Variants in FGF12 observed in about 807,000 individuals in gnomAD.
The protein encoded by FGF12 is fibroblast growth factor 12.
FGF12 carries 14 observed loss-of-function variants against 23.6 expected under a neutral mutation model. The ratio of observed to expected loss-of-function variants is 0.59; its 90% CI spans 0.39 to 0.93. The LOEUF (loss-of-function observed/expected upper bound fraction) is 0.93. Ranked by LOEUF, FGF12 falls within the 40% of genes least tolerant of loss-of-function variation. The pLI, the probability that FGF12 is intolerant of heterozygous loss-of-function variation, is 0.00. For synonymous variants in FGF12, 62 were observed against 77.3 expected, an observed-to-expected ratio of 0.80 and a Z score of 1.04; for missense variants, 175 against 217.8, an observed-to-expected ratio of 0.80 and a Z score of 1.24.
chr3:192,467,820 C>T (rs1374313662), intron 2 of FGF12, among the ~76,000 whole-genome samples: 2 of 152,200 alleles, frequency 1.3e-5, no homozygotes, highest in African/African-American at 4.8e-5. Flanking sequence ...CAATGTCCTA[C>T]ACTTAACATG....
chr3:192,387,196 G>A (rs1031123283), intron 2 of FGF12, among the ~76,000 whole-genome samples: 1 of 152,076 alleles, frequency 6.6e-6, no homozygotes, highest in African/African-American at 2.4e-5. Flanking sequence ...CCTGCATCTG[G>A]GAACACCCTA....
intron 4 of FGF12, among the ~76,000 whole-genome samples, chr3:192,176,565 C>T (rs1000178137): frequency 1.3e-5 from 2 of 152,102 alleles, no homozygotes; most frequent in African/African-American, 4.8e-5. Flanking sequence ...TGATTCAGTC[C>T]CTTTACCTGT....
chr3:192,593,377 TCTC>T (rs1330622576), intron 2 of FGF12, among the ~76,000 whole-genome samples: 1 of 151,754 alleles, frequency 6.6e-6, no homozygotes, highest in Non-Finnish European at 1.5e-5. Flanking sequence ...GTGACCCTCT[TCTC>T]CTTCTCTCTG....
chr3:192,649,478 A>G (rs1716131452), intron 2 of FGF12, among the ~76,000 whole-genome samples: 1 of 152,164 alleles, frequency 6.6e-6, no homozygotes, highest in South Asian at 2.1e-4. Flanking sequence ...TTATTATTAT[A>G]ACTTTGAGTT....
intron 4 of FGF12, among the ~76,000 whole-genome samples, chr3:192,305,324 C>A (rs1372931403): frequency 6.6e-6 from 1 of 151,862 alleles, no homozygotes; most frequent in Non-Finnish European, 1.5e-5. Context: ...CATACAAACT[C>A]AAAAAGCTAA....
intron 2 of FGF12, among the ~76,000 whole-genome samples, chr3:192,451,613 TA>T (rs1722523808): frequency 6.6e-6 from 1 of 152,202 alleles, no homozygotes; most frequent in Admixed American, 6.5e-5. Context: ...TCACTAAAGT[TA>T]AAAAACTACT....
intron 2 of FGF12, among the ~76,000 whole-genome samples, chr3:192,673,956 G>A (rs1051238820): frequency 1.3e-5 from 2 of 151,036 alleles, no homozygotes; most frequent in Non-Finnish European, 3.0e-5. Context: ...GATCCTTGAG[G>A]AATCACCACA....
chr3:192,183,127 G>A (rs1317186114), intron 4 of FGF12, among the ~76,000 whole-genome samples: 1 of 152,158 alleles, frequency 6.6e-6, no homozygotes, highest in Non-Finnish European at 1.5e-5. Flanking sequence ...GTATTGCTGA[G>A]ATATTGATGT....
At chr3:192,209,805 G>A (rs2108676521) in intron 4 of FGF12, among the ~76,000 whole-genome samples, 1 of 152,248 alleles carries the variant, frequency 6.6e-6, no homozygotes, top group South Asian at 2.1e-4. Context: ...TCTGCCTCAG[G>A]TCAAACAACA....
intron 3 of FGF12, among the ~76,000 whole-genome samples, chr3:192,354,972 A>T (rs1718403976): frequency 1.3e-5 from 2 of 152,216 alleles, no homozygotes; most frequent in Admixed American, 6.5e-5. Flanking sequence ...TGCCTCCCAA[A>T]GTGCTGGGAT....
At chr3:192,327,597 T>A (rs1716887654) in intron 4 of FGF12, among the ~76,000 whole-genome samples, 1 of 116,958 alleles carries the variant, frequency 8.6e-6, no homozygotes, top group South Asian at 2.9e-4. Flanking sequence ...TAACCAATAT[T>A]AACCACTAAA....
intron 2 of FGF12, among the ~76,000 whole-genome samples, chr3:192,607,779 T>C (rs147778504): frequency 1.3e-5 from 2 of 151,692 alleles, no homozygotes; most frequent in Non-Finnish European, 2.9e-5. Flanking sequence ...GAAATTTTCT[T>C]GTCAGCTCTC....
Position 192,189,086 on chromosome 3 carries a change from A to G in FGF12, c.229-18430T>C, listed in dbSNP as rs117649451. ...CTGGGACTCCGGCACATCAATGTCA[A>G]AGAACTACTTGACATTTCATGCCAG... On this transcript the variant is annotated intron_variant, in intron 4 of 5. Transcript: ENST00000445105. 3.3e-3 allele frequency among the ~76,000 whole-genome samples: 504 copies of G among 152,310 alleles called. 8 individuals carry two copies. The highest frequency in any genetic ancestry group is 0.031 in the East Asian group (163 of 5,182).
chr3:192,408,261 G>C lies in FGF12; in HGVS notation c.14-47723C>G. On this transcript the variant is annotated intron_variant, in intron 2 of 5. Transcript: ENST00000445105. The surrounding 1 kb of genome is among the most constrained non-coding windows in gnomAD (Gnocchi z 7.3). ...AGGGCCTCAGGCCCCAGCCTCTACT[G>C]CGCCCTCCGGCTTGCGCTCCGCCGG... The C allele has an allele frequency of 6.5e-7, 1 of 1,534,190 alleles. No homozygotes were observed. The highest frequency in any genetic ancestry group is 8.7e-7 in the Non-Finnish European group (1 of 1,145,314).
At chr3:192,698,512 T>A (rs1718195131) in intron 2 of FGF12, among the ~76,000 whole-genome samples, 1 of 152,044 alleles carries the variant, frequency 6.6e-6, no homozygotes, top group African/African-American at 2.4e-5. Flanking sequence ...ACAACAACAA[T>A]AATAAAAATA....
At chr3:192,475,978 A>T (rs896293988) in intron 2 of FGF12, among the ~76,000 whole-genome samples, 1 of 151,152 alleles carries the variant, frequency 6.6e-6, no homozygotes, top group Non-Finnish European at 1.5e-5. Flanking sequence ...GATATATAAA[A>T]TATTTCTGAA....
At chr3:192,640,770 T>A (rs1447253813) in intron 2 of FGF12, among the ~76,000 whole-genome samples, 1 of 151,882 alleles carries the variant, frequency 6.6e-6, no homozygotes, top group Non-Finnish European at 1.5e-5. Flanking sequence ...CATTTTTGTA[T>A]AGGCTGAGAG....
chr3:192,364,037 C>T (rs536877441), intron 2 of FGF12, among the ~76,000 whole-genome samples: 29 of 152,244 alleles, frequency 1.9e-4, no homozygotes, highest in African/African-American at 6.5e-4. Context: ...ACCAGTTCTG[C>T]CTGAAGGTTG....
rs1467979003 is a variant in FGF12 at position 192,182,822 on chromosome 3, G to A, written c.229-12166C>T. 3.3e-5 allele frequency among the ~76,000 whole-genome samples: 5 copies of A among 152,290 alleles called. No homozygotes were observed. In the East Asian group the frequency reaches 9.6e-4, roughly 29 times the overall value. ...AATCAAAGCTGGAATGAAGGATGTAGGCTCTCCAGAAGATGATGACATTTC... is the reference window on the plus strand; with the variant it reads ...AATCAAAGCTGGAATGAAGGATGTAAGCTCTCCAGAAGATGATGACATTTC... On this transcript the variant is annotated intron_variant, in intron 4 of 5. Coordinates refer to ENST00000445105, the MANE Select transcript of FGF12 (RefSeq NM_004113.6).
Sources: gnomAD v4.1 joint callset for allele counts (sites outside exome capture counted in the v4.1 genomes callset) on GRCh38, gnomAD v4.1.1 for gene constraint, Gnocchi (gnomAD v3.1) non-coding constraint, MANE v1.5 for transcripts, NCBI Gene and HGNC (gene_info 2026-07-23, HGNC 2026-07-21) for gene names.